The following ZNF324B variants were observed in gnomAD, a reference collection of about 807,000 sequenced individuals.
ZNF324B encodes the protein zinc finger protein 324B.
Under a neutral mutation model 10.6 loss-of-function variants are expected in ZNF324B, and 7 were observed. The observed-to-expected ratio is 0.66, with a 90% confidence interval of 0.38 to 1.24. The LOEUF (loss-of-function observed/expected upper bound fraction) is 1.24, where lower values mean the gene tolerates loss of function less well. Ranked by LOEUF, ZNF324B falls within the 50% of genes most tolerant of loss-of-function variation. ZNF324B has a pLI of 0.02. For missense variants in ZNF324B, 640 were observed against 764.7 expected (o/e 0.84, Z 1.92); for synonymous variants, 316 against 321.0 (o/e 0.98, Z 0.17).
At chr19:58,424,010 C>T in the ZNF324B span, among the ~76,000 whole-genome samples, 15 of 151,670 alleles carry the variant, frequency 9.9e-5, no homozygotes, top group African/African-American at 3.4e-4. Flanking sequence ...GAGGCCGAGG[C>T]GGACGGATCA....
the ZNF324B span, among the ~76,000 whole-genome samples, chr19:58,446,335 C>T: frequency 6.6e-6 from 1 of 152,140 alleles, no homozygotes; most frequent in Non-Finnish European, 1.5e-5. Context: ...TTGCAACCCG[C>T]TGAGGGACCT....
chr19:58,427,151 AC>A, the ZNF324B span, among the ~76,000 whole-genome samples: 1 of 150,790 alleles, frequency 6.6e-6, no homozygotes, highest in Non-Finnish European at 1.5e-5. Context: ...TTTTTTTGAG[AC>A]GGAGTTTCAC....
chr19:58,440,097 G>A, the ZNF324B span: 7 of 480,214 alleles, frequency 1.5e-5, no homozygotes, highest in South Asian at 1.6e-4. Context: ...GTGCCCTGGT[G>A]TGGCTCCAGA....
Position 58,456,164 on chromosome 19 carries a change from G to A in ZNF324B, c.1220G>A (p.Ser407Asn). ...TGCGCGCTCTGCGGTGCTGCCTTCA[G>A]CCAGGGCTCCTCGCTCTTTTTGCAC... Reference protein sequence around the residue: ...FVCALCGAAFSQGSSLFLHQR... With the variant: ...FVCALCGAAFNQGSSLFLHQR... Residue 407 changes from serine (S) to asparagine (N), a missense_variant, in exon 4 of 4, where the codon AGC (serine) becomes AAC (asparagine). Ser to Asn is a conservative substitution (Grantham distance 46). This residue lies in a region of ZNF324B where 238 missense variants were observed against 258.0 expected (regional missense o/e 0.92). Coordinates refer to ENST00000336614, the MANE Select transcript of ZNF324B (RefSeq NM_207395.3). This position sits in a 1 kb window ranked among gnomAD's most constrained non-coding sequence, Gnocchi z 4.7. 2 of 1,613,362 alleles carry A rather than the reference G, an allele frequency of 1.2e-6. No individual in the cohort carries two copies. The highest frequency in any genetic ancestry group is 1.7e-6 in the Non-Finnish European group (2 of 1,179,768).
At position 58,454,223 on chromosome 19, in the gene ZNF324B, C is replaced by T. The variant is rs924889494; in HGVS notation, c.122-5C>T. On this transcript the variant is annotated splice_polypyrimidine_tract_variant and splice_region_variant and intron_variant, in intron 2 of 3. Transcript: ENST00000336614. Reference sequence around the variant, plus strand: ...GGCTGGGCTCTCACCTGCTCCTCCTCACAGGACTCTCTACCTCCCGACCTC... The same window carrying T: ...GGCTGGGCTCTCACCTGCTCCTCCTTACAGGACTCTCTACCTCCCGACCTC... 1.9e-6 allele frequency: 3 copies of T among 1,608,896 alleles called. No homozygotes were observed. The highest frequency in any genetic ancestry group is 1.3e-5 in the African/African-American group (1 of 74,790).
the ZNF324B span, chr19:58,439,739 C>T: frequency 1.3e-6 from 2 of 1,516,500 alleles, no homozygotes; most frequent in Non-Finnish European, 1.8e-6. Flanking sequence ...GGGTGAGGGC[C>T]TGGGGCACAC....
At chr19:58,427,124 A>C in the ZNF324B span, among the ~76,000 whole-genome samples, 1 of 149,972 alleles carries the variant, frequency 6.7e-6, no homozygotes, top group African/African-American at 2.5e-5. Context: ...TTCCTTTTTT[A>C]TTTTTATTTT....
chr19:58,418,770 T>A, the ZNF324B span: 1 of 152,310 alleles, frequency 6.6e-6, no homozygotes, highest in Non-Finnish European at 1.5e-5. Context: ...GCACCACATC[T>A]GACTAATTTT....
chr19:58,438,609 G>T, the ZNF324B span, among the ~76,000 whole-genome samples: 1 of 151,742 alleles, frequency 6.6e-6, no homozygotes, highest in Non-Finnish European at 1.5e-5. Flanking sequence ...GAGTAGCTGG[G>T]ACTACAGGCA....
chr19:58,433,589 T>G, the ZNF324B span: 1 of 1,614,220 alleles, frequency 6.2e-7, no homozygotes, highest in Non-Finnish European at 8.5e-7. Context: ...GTGTGAACTC[T>G]CCAGTGACAA....
chr19:58,445,818 C>A, the ZNF324B span: 1 of 211,890 alleles, frequency 4.7e-6, no homozygotes. Context: ...CTGTCTCCCT[C>A]ACCAAAAACA....
In ZNF324B at chr19:58,456,130, C is replaced by G; in HGVS notation, c.1186C>G (p.Pro396Ala). Reference sequence around the variant, plus strand: ...CGAGCGTACGCACACAGGCGAGAAGCCCTTCGTATGCGCGCTCTGCGGTGC... The same window carrying G: ...CGAGCGTACGCACACAGGCGAGAAGGCCTTCGTATGCGCGCTCTGCGGTGC... ...QHERTHTGEK[P>A]FVCALCGAAF... Residue 396 changes from proline (P) to alanine (A), a missense_variant, in exon 4 of 4, where the codon CCC becomes GCC. Physicochemically the swap from Pro to Ala is conservative, Grantham distance 27. This residue lies in a region of ZNF324B where 238 missense variants were observed against 258.0 expected (regional missense o/e 0.92). Transcript: ENST00000336614. The surrounding 1 kb of genome is among the most constrained non-coding windows in gnomAD (Gnocchi z 4.7). 3 of 1,613,504 alleles carry G rather than the reference C, an allele frequency of 1.9e-6. No individual in the cohort carries two copies. The highest frequency in any genetic ancestry group is 2.5e-6 in the Non-Finnish European group (3 of 1,179,864).
rs748600149 is a variant in ZNF324B at position 58,455,419 on chromosome 19, A to G, written c.475A>G (p.Ser159Gly). 17 of 1,614,108 alleles carry G rather than the reference A, an allele frequency of 1.1e-5. No individual in the cohort carries two copies. In the South Asian group the frequency reaches 1.3e-4, roughly 13 times the overall value. Residue 159 changes from serine (S) to glycine (G), a missense_variant, in exon 4 of 4, where the codon AGC (serine) becomes GGC (glycine). Coordinates refer to ENST00000336614, the MANE Select transcript of ZNF324B (RefSeq NM_207395.3). The surrounding 1 kb of genome is among the most constrained non-coding windows in gnomAD (Gnocchi z 7.0). ...CTCGCGCAGTGACCAGGCCAGCATC[A>G]GCCTGCGACTGACCTCCCCACTCAG... ...LGSRSDQASI[S>G]LRLTSPLRPP...
At chr19:58,438,725 G>A in the ZNF324B span, among the ~76,000 whole-genome samples, 12,664 of 150,638 alleles carry the variant, frequency 0.084, 1,615 homozygotes, top group African/African-American at 0.28. Context: ...CACCTGCCTC[G>A]GCCTCCCAAA....
chr19:58,444,338 C>T, the ZNF324B span: 1 of 152,240 alleles, frequency 6.6e-6, no homozygotes, highest in East Asian at 1.9e-4. Flanking sequence ...GATAATGTAT[C>T]TTTAAATAGT....
Position 58,456,082 on chromosome 19 carries a change from C to A in ZNF324B, c.1138C>A (p.Arg380Ser). Residue 380 changes from arginine (R) to serine (S), a missense_variant, in exon 4 of 4, where the codon CGC (arginine) becomes AGC (serine). Physicochemically the swap from Arg to Ser is moderately radical, Grantham distance 110. Transcript: ENST00000336614. The surrounding 1 kb of genome is among the most constrained non-coding windows in gnomAD (Gnocchi z 4.7). ...CGCACAGTGTGGCCGCCGCTTCTGC[C>A]GCAACTCGCACCTGATCCAGCACGA... ...ACAQCGRRFCRNSHLIQHERT... is the reference protein window; with the variant it reads ...ACAQCGRRFCSNSHLIQHERT... 1 of 1,612,206 alleles carries A rather than the reference C, an allele frequency of 6.2e-7. No individual in the cohort carries two copies. The highest frequency in any genetic ancestry group is 8.5e-7 in the Non-Finnish European group (1 of 1,179,888).
At chr19:58,453,970 T>A (rs1440388929) in intron 2 of ZNF324B, 148 bp downstream of exon 2, 1 of 1,256,792 alleles carries the variant, frequency 8.0e-7, no homozygotes, top group Non-Finnish European at 1.1e-6. Flanking sequence ...TTTGGTTGGG[T>A]CAGCCACTCC....
chr19:58,419,608 T>A, the ZNF324B span, among the ~76,000 whole-genome samples: 2 of 152,332 alleles, frequency 1.3e-5, no homozygotes, highest in East Asian at 3.9e-4. Flanking sequence ...TCATATCCTC[T>A]CTGGGCTGTT....
At chr19:58,427,305 T>C in the ZNF324B span, among the ~76,000 whole-genome samples, 1 of 62,996 alleles carries the variant, frequency 1.6e-5, no homozygotes, top group African/African-American at 1.2e-4. Context: ...CTTTCTTTCT[T>C]TCTTTCTTTC....
Sources: allele counts gnomAD v4.1 joint callset (sites outside exome capture counted in the v4.1 genomes callset), GRCh38; gene constraint gnomAD v4.1.1; regional missense constraint gnomAD v4.1.1; non-coding constraint Gnocchi (gnomAD v3.1); transcripts MANE v1.5; gene names NCBI Gene and HGNC (gene_info 2026-07-23, HGNC 2026-07-21).